Variants in NSMCE2 observed in about 807,000 individuals in gnomAD.
NSMCE2 encodes the protein NSE2 SUMO ligase component of SMC5/6 complex, also known as E3 SUMO-protein ligase NSE2.
NSMCE2 carries 24 observed loss-of-function variants against 23.8 expected under a neutral mutation model. That is an observed-to-expected ratio of 1.01 (90% confidence interval 0.73 to 1.42). NSMCE2 has a LOEUF of 1.42. Among genes scored for constraint, NSMCE2 ranks in the 40% most tolerant of loss-of-function variants. The pLI, the probability that NSMCE2 is intolerant of heterozygous loss-of-function variation, is 0.00. For synonymous variants in NSMCE2, 92 were observed against 94.1 expected (o/e 0.98, Z 0.13); for missense variants, 284 against 296.5 (o/e 0.96, Z 0.31).
intron 3 of NSMCE2, among the ~76,000 whole-genome samples, chr8:125,143,688 G>A (rs1002640467): frequency 2.6e-5 from 4 of 152,156 alleles, no homozygotes; most frequent in African/African-American, 7.2e-5. Context: ...CTGATTCTGC[G>A]ATTTTTATTT....
At chr8:125,348,530 T>G (rs1376342808) in intron 5 of NSMCE2, 1 of 152,146 alleles carries the variant, frequency 6.6e-6, no homozygotes, top group Admixed American at 6.6e-5. Flanking sequence ...AATCTCATCT[T>G]GAATTGTAGC....
At chr8:125,287,043 A>T (rs975763943) in intron 5 of NSMCE2, among the ~76,000 whole-genome samples, 1 of 152,106 alleles carries the variant, frequency 6.6e-6, no homozygotes, top group Non-Finnish European at 1.5e-5. Context: ...AATAAAATAC[A>T]GAATTTGGCC....
intron 5 of NSMCE2, among the ~76,000 whole-genome samples, chr8:125,261,556 G>A (rs1311783161): frequency 6.6e-6 from 1 of 152,090 alleles, no homozygotes; most frequent in Admixed American, 6.6e-5. Context: ...TAAAACTCTA[G>A]TATCTTGAAT....
In NSMCE2 at chr8:125,285,048, G is replaced by A. The variant is rs148503695; in HGVS notation, c.419-72171G>A. 2.4e-3 allele frequency among the ~76,000 whole-genome samples: 371 copies of A among 152,292 alleles called. 1 individual carries two copies. Among genetic ancestry groups the A allele is most frequent in the African/African-American group, 8.7e-3 (362 of 41,562 alleles). ...ATGAAAAGGATTCTAAATATAGTCT[G>A]AATTAGAGGCAAATGTACTTTCATG... On this transcript the variant is annotated intron_variant, in intron 5 of 7. Coordinates refer to ENST00000287437, the MANE Select transcript of NSMCE2 (RefSeq NM_173685.4).
intron 5 of NSMCE2, among the ~76,000 whole-genome samples, chr8:125,292,600 G>A (rs924433083): frequency 2.0e-5 from 3 of 151,654 alleles, no homozygotes; most frequent in Admixed American, 2.0e-4. Flanking sequence ...AAATATTGTA[G>A]AAAAGCCCTT....
intron 5 of NSMCE2, among the ~76,000 whole-genome samples, chr8:125,303,527 G>A (rs78900023): frequency 0.011 from 1,687 of 152,192 alleles, 37 homozygotes; most frequent in African/African-American, 0.037. Context: ...TATTTTGTGC[G>A]AAGTATAATA....
chr8:125,356,563 G>A (rs529597234), intron 5 of NSMCE2, among the ~76,000 whole-genome samples: 2 of 152,132 alleles, frequency 1.3e-5, no homozygotes, highest in South Asian at 2.1e-4. Context: ...TCTTGACCTC[G>A]TGATCCGCCC....
intron 3 of NSMCE2, among the ~76,000 whole-genome samples, chr8:125,114,727 G>A (rs1818913576): frequency 6.6e-6 from 1 of 152,168 alleles, no homozygotes; most frequent in Non-Finnish European, 1.5e-5. Flanking sequence ...TGTCATTAGT[G>A]CTGAGGCTGA....
chr8:125,140,439 A>G (rs1340568470), intron 3 of NSMCE2, among the ~76,000 whole-genome samples: 2 of 151,962 alleles, frequency 1.3e-5, no homozygotes, highest in Non-Finnish European at 2.9e-5. Flanking sequence ...AAGGCGGGAG[A>G]ATTACTTGAG....
chr8:125,190,908 T>C (rs1029462832), intron 5 of NSMCE2, among the ~76,000 whole-genome samples: 1 of 152,198 alleles, frequency 6.6e-6, no homozygotes, highest in Non-Finnish European at 1.5e-5. Context: ...TTCGCTCTTA[T>C]TGCCCAGGTT....
At chr8:125,105,479 GGTTTT>G in intron 3 of NSMCE2, among the ~76,000 whole-genome samples, 1 of 150,740 alleles carries the variant, frequency 6.6e-6, no homozygotes, top group East Asian at 1.9e-4. Context: ...TTTTTCTCTT[GGTTTT>G]GTTTTGTTTT....
At chr8:125,177,394 T>C (rs1041891097) in intron 4 of NSMCE2, among the ~76,000 whole-genome samples, 10 of 152,186 alleles carry the variant, frequency 6.6e-5, no homozygotes, top group Non-Finnish European at 1.2e-4. Context: ...TAAACAAGTA[T>C]CTTTAGCACT....
At chr8:125,366,409 G>T (rs925803518) in intron 7 of NSMCE2, among the ~76,000 whole-genome samples, 2 of 152,132 alleles carry the variant, frequency 1.3e-5, no homozygotes, top group Non-Finnish European at 2.9e-5. Context: ...GCGTGGTGGT[G>T]GGTGCCTGTA....
At chr8:125,347,489 A>G (rs1005187003) in intron 5 of NSMCE2, among the ~76,000 whole-genome samples, 2 of 152,170 alleles carry the variant, frequency 1.3e-5, no homozygotes, top group Non-Finnish European at 2.9e-5. Flanking sequence ...TGTCTCTCCT[A>G]CCAGACCCGA....
At chr8:125,332,258 C>G (rs1396735597) in intron 5 of NSMCE2, among the ~76,000 whole-genome samples, 1 of 152,216 alleles carries the variant, frequency 6.6e-6, no homozygotes, top group Non-Finnish European at 1.5e-5. Flanking sequence ...ATTTTTGTCT[C>G]TAATTCATAG....
At chr8:125,291,255 C>T (rs777198941) in intron 5 of NSMCE2, among the ~76,000 whole-genome samples, 2 of 152,036 alleles carry the variant, frequency 1.3e-5, no homozygotes, top group Non-Finnish European at 2.9e-5. Context: ...TAAAAGATTC[C>T]GTTTACATTT....
At chr8:125,255,964 T>TAA (rs998079793) in intron 5 of NSMCE2, among the ~76,000 whole-genome samples, 1 of 152,030 alleles carries the variant, frequency 6.6e-6, no homozygotes, top group Non-Finnish European at 1.5e-5. Context: ...TAGGTGGTTT[T>TAA]AAAAAGAAGT....
chr8:125,320,686 A>G (rs1365052254), intron 5 of NSMCE2, among the ~76,000 whole-genome samples: 1 of 152,186 alleles, frequency 6.6e-6, no homozygotes, highest in African/African-American at 2.4e-5. Flanking sequence ...AGATTTTTTC[A>G]GACATACAAA....
intron 5 of NSMCE2, among the ~76,000 whole-genome samples, chr8:125,257,965 G>T (rs1362998462): frequency 6.6e-6 from 1 of 152,192 alleles, no homozygotes; most frequent in African/African-American, 2.4e-5. Context: ...TGGTTTTGGA[G>T]AGATGGAAAA....
Sources: gnomAD v4.1 joint callset for allele counts (sites outside exome capture counted in the v4.1 genomes callset) on GRCh38, gnomAD v4.1.1 for gene constraint, MANE v1.5 for transcripts, NCBI Gene and HGNC (gene_info 2026-07-23, HGNC 2026-07-21) for gene names.